The following CLPTM1L variants were observed in gnomAD, a reference collection of about 807,000 sequenced individuals.
CLPTM1L encodes the protein CLPTM1 like, also known as lipid scramblase CLPTM1L.
A neutral mutation model predicts 70.9 loss-of-function variants in CLPTM1L; 38 were observed. The observed-to-expected ratio is 0.54, with a 90% confidence interval of 0.41 to 0.70. The LOEUF is 0.70. CLPTM1L is among the 30% of genes least tolerant of loss of function. The pLI, the probability that CLPTM1L is intolerant of heterozygous loss-of-function variation, is 0.00. For missense variants in CLPTM1L, 652 were observed against 705.9 expected, an observed-to-expected ratio of 0.92 and a Z score of 0.87; for synonymous variants, 339 against 299.9, an observed-to-expected ratio of 1.13 and a Z score of -1.35.
chr5:1,332,013 T>C (rs1210195412), intron 7 of CLPTM1L, 130 bp from the exon 8 acceptor site: 1 of 745,898 alleles, frequency 1.3e-6, no homozygotes, highest in African/African-American at 1.7e-5. Flanking sequence ...TCAGGATAAG[T>C]GTCTACACTC....
intron 9 of CLPTM1L, among the ~76,000 whole-genome samples, chr5:1,328,349 TC>T (rs1389875378): frequency 3.6e-4 from 53 of 146,184 alleles, no homozygotes; most frequent in Middle Eastern, 3.6e-3. Flanking sequence ...CAGCTCCTCC[TC>T]TACGGACACA....
intron 3 of CLPTM1L, among the ~76,000 whole-genome samples, chr5:1,341,330 G>T (rs1467185317): frequency 2.6e-5 from 4 of 152,174 alleles, no homozygotes; most frequent in Admixed American, 2.6e-4. Flanking sequence ...AGAGCTCCTG[G>T]TGAGAAGCTG....
At chr5:1,331,289 C>T in intron 8 of CLPTM1L, 1 of 156,510 alleles carries the variant, frequency 6.4e-6, no homozygotes, top group Non-Finnish European at 1.4e-5. Flanking sequence ...TCCCTGACTG[C>T]CCTACCTAAC....
intron 9 of CLPTM1L, among the ~76,000 whole-genome samples, chr5:1,328,379 C>G (rs571314553): frequency 6.8e-6 from 1 of 147,342 alleles, no homozygotes; most frequent in Non-Finnish European, 1.5e-5. Flanking sequence ...AGCTCCTCCT[C>G]TACAGGGACA....
At chr5:1,326,106 A>C in intron 9 of CLPTM1L, 6 of 404,876 alleles carry the variant, frequency 1.5e-5, no homozygotes, top group East Asian at 4.2e-5. Flanking sequence ...GCACCCAAAT[A>C]AGCCCCCACC....
At chr5:1,338,758 C>T in intron 4 of CLPTM1L, 102 bp downstream of exon 4, 10 of 1,415,542 alleles carry the variant, frequency 7.1e-6, no homozygotes, top group Admixed American at 2.0e-5. Context: ...TGCCTCCCCA[C>T]AGAGGGGACT....
At chr5:1,339,556 G>C (rs1434512919) in intron 3 of CLPTM1L, among the ~76,000 whole-genome samples, 1 of 130,116 alleles carries the variant, frequency 7.7e-6, no homozygotes, top group Admixed American at 7.6e-5. Context: ...CACGCACATG[G>C]AAAAACCGCG....
chr5:1,328,811 GCTCTACAGACACATTGCATCCAGCTCCTC>G (rs1752844423), intron 9 of CLPTM1L, among the ~76,000 whole-genome samples: 4 of 32,964 alleles, frequency 1.2e-4, no homozygotes, highest in Non-Finnish European at 2.5e-4. Flanking sequence ...TCCAGCTCCT[GCTCTACAGACACATTGCATCCAGCTCCTC>G]CTCTACAGAC....
chr5:1,342,305 C>T lies in CLPTM1L; in HGVS notation c.264-445G>A, dbSNP rs1754002213. 6.6e-6 allele frequency among the ~76,000 whole-genome samples: 1 copy of T among 152,314 alleles called. No homozygotes were observed. Among genetic ancestry groups the T allele is most frequent in the Admixed American group, 6.5e-5 (1 of 15,296 alleles). Reference sequence around the variant, plus strand: ...CGAGGGCTCCAGGTGCCTCGGCCCACACTACTGGAACCTCAGAAATTTAAT... The same window carrying T: ...CGAGGGCTCCAGGTGCCTCGGCCCATACTACTGGAACCTCAGAAATTTAAT... On this transcript the variant is annotated intron_variant, in intron 2 of 16. Coordinates refer to ENST00000320895, the MANE Select transcript of CLPTM1L (RefSeq NM_030782.5). The surrounding 1 kb of genome is among the most constrained non-coding windows in gnomAD (Gnocchi z 4.3).
In CLPTM1L at chr5:1,334,317, G is replaced by A. The variant is rs201545876; in HGVS notation, c.863C>T (p.Ala288Val). ...GAACGCTGCGACAAAGAAGGTCAGC[G>A]CCAGGAAGTATAAGTTGGTATCTAC... Reference protein sequence around the residue: ...IFVDTNLYFLALTFFVAAFHL... With the variant: ...IFVDTNLYFLVLTFFVAAFHL... The change falls in exon 7 of 17, where the codon GCG (alanine) becomes GTG (valine). Residue 288 changes from alanine (A) to valine (V), a missense_variant. By Grantham distance (64) the Ala-to-Val change is moderately conservative. This residue lies in a region of CLPTM1L where 402 missense variants were observed against 388.2 expected (regional missense o/e 1.04). Coordinates refer to ENST00000320895, the MANE Select transcript of CLPTM1L (RefSeq NM_030782.5). The A allele has an allele frequency of 1.1e-5, 18 of 1,613,716 alleles. No homozygotes were observed. Among genetic ancestry groups the A allele is most frequent in the African/African-American group, 1.3e-5 (1 of 75,022 alleles).
chr5:1,338,510 T>A (rs986533561), intron 4 of CLPTM1L, among the ~76,000 whole-genome samples: 1 of 152,204 alleles, frequency 6.6e-6, no homozygotes. Flanking sequence ...TGATACTAAA[T>A]AATCTAAAGA....
chr5:1,324,169 A>G (rs1333673675), intron 11 of CLPTM1L: 2 of 431,084 alleles, frequency 4.6e-6, no homozygotes, highest in African/African-American at 4.0e-5. Flanking sequence ...AACATAATGG[A>G]AAGAAACCGG....
chr5:1,323,976 G>A (rs182004811), intron 11 of CLPTM1L, 107 bp from the exon 12 acceptor site: 20 of 867,484 alleles, frequency 2.3e-5, no homozygotes, highest in Admixed American at 1.2e-4. Context: ...GAGCTACAGC[G>A]CTCAGGGTGG....
chr5:1,322,025 A>G (rs1217372761), intron 13 of CLPTM1L, among the ~76,000 whole-genome samples: 1 of 152,198 alleles, frequency 6.6e-6, no homozygotes, highest in Non-Finnish European at 1.5e-5. Flanking sequence ...AGTCTACGAC[A>G]ACTTTGGAGA....
intron 5 of CLPTM1L, among the ~76,000 whole-genome samples, chr5:1,335,673 G>C (rs1000953994): frequency 2.6e-5 from 4 of 152,270 alleles, no homozygotes; most frequent in African/African-American, 9.6e-5. Context: ...ACAACAGAAA[G>C]CTTCTGGAAC....
At position 1,342,037 on chromosome 5, in the gene CLPTM1L, T is replaced by TGC. The variant is rs879397959; in HGVS notation, c.264-178_264-177insGC. ...GTGTGTGTGTGTGTGTGTGTGTGTG[T>TGC]GTGCACGCGCACGCGTGCGCGTCCT... On this transcript the variant is annotated intron_variant, in intron 2 of 16. Transcript: ENST00000320895. The surrounding 1 kb of genome is among the most constrained non-coding windows in gnomAD (Gnocchi z 4.3). 6.6e-3 allele frequency among the ~76,000 whole-genome samples: 851 copies of TGC among 128,692 alleles called. 4 individuals are homozygous for TGC. Among genetic ancestry groups the TGC allele is most frequent in the African/African-American group, 8.4e-3 (233 of 27,596 alleles). The allele number at this position is 128,692 out of a possible 152,430, so 84.4% of individuals were successfully genotyped here. A position where few individuals can be genotyped will look rare whatever the true frequency, so the allele number is the denominator to read the frequency against.
intron 5 of CLPTM1L, among the ~76,000 whole-genome samples, chr5:1,337,584 G>A (rs1164820933): frequency 1.3e-5 from 2 of 152,234 alleles, no homozygotes; most frequent in Non-Finnish European, 2.9e-5. Flanking sequence ...CGCAGACGCT[G>A]TTTCACACGG....
intron 15 of CLPTM1L, among the ~76,000 whole-genome samples, chr5:1,321,329 G>A (rs1395558263): frequency 2.0e-5 from 3 of 152,216 alleles, no homozygotes; most frequent in Non-Finnish European, 2.9e-5. Flanking sequence ...CCCAGGCACC[G>A]GTTACTGAGC....
Position 1,342,045 on chromosome 5 carries a change from C to T in CLPTM1L, c.264-185G>A, listed in dbSNP as rs1012754812. Among the ~76,000 whole-genome samples, 6 of 132,480 alleles carry T rather than the reference C, an allele frequency of 4.5e-5. No homozygotes were observed. Among genetic ancestry groups the T allele is most frequent in the African/African-American group, 1.0e-4 (3 of 29,206 alleles). 86.9% of individuals were successfully genotyped at this position (132,480 alleles called of 152,430 possible). A position where few individuals can be genotyped will look rare whatever the true frequency, so the allele number is the denominator to read the frequency against. ...GTGTGTGTGTGTGTGTGTGTGCACG[C>T]GCACGCGTGCGCGTCCTGAGAACTC... On this transcript the variant is annotated intron_variant, in intron 2 of 16. Coordinates refer to ENST00000320895, the MANE Select transcript of CLPTM1L (RefSeq NM_030782.5). The surrounding 1 kb of genome is among the most constrained non-coding windows in gnomAD (Gnocchi z 4.3).
Sources: gnomAD v4.1 joint callset for allele counts (sites outside exome capture counted in the v4.1 genomes callset) on GRCh38, gnomAD v4.1.1 for gene constraint, gnomAD v4.1.1 regional missense constraint, Gnocchi (gnomAD v3.1) non-coding constraint, MANE v1.5 for transcripts, NCBI Gene and HGNC (gene_info 2026-07-23, HGNC 2026-07-21) for gene names.